LINGO1: variants seen among roughly 807,000 people sequenced by gnomAD.
LINGO1 encodes the protein leucine-rich repeat and immunoglobulin-like domain-containing nogo receptor-interacting protein 1.
LINGO1 carries 11 observed loss-of-function variants against 37.3 expected under a neutral mutation model. The ratio of observed to expected loss-of-function variants is 0.29; its 90% CI spans 0.19 to 0.49. The LOEUF (loss-of-function observed/expected upper bound fraction) is 0.49. Among genes scored for constraint, LINGO1 ranks in the 20% least tolerant of loss-of-function variants. LINGO1 has a pLI of 0.99. For missense variants in LINGO1, 585 were observed against 878.2 expected (o/e 0.67, Z 4.22); for synonymous variants, 387 against 403.0 (o/e 0.96, Z 0.48).
intron 2 of LINGO1, chr15:77,720,750 G>A (rs1567546330): frequency 6.6e-6 from 1 of 151,842 alleles, no homozygotes; most frequent in Non-Finnish European, 1.5e-5. Context: ...AGATCTCAGA[G>A]TGGAGACCAG....
intron 1 of LINGO1, among the ~76,000 whole-genome samples, chr15:77,754,064 TG>T (rs2076396474): frequency 6.9e-6 from 1 of 145,744 alleles, no homozygotes; most frequent in Non-Finnish European, 1.5e-5. Context: ...GGCCCAGAGC[TG>T]GGAGAGAGAG....
At chr15:77,673,455 G>A (rs961865896) in intron 3 of LINGO1, among the ~76,000 whole-genome samples, 1 of 151,220 alleles carries the variant, frequency 6.6e-6, no homozygotes, top group Non-Finnish European at 1.5e-5. Context: ...CCTCGTTACC[G>A]AGGCAGTGAC....
intron 1 of LINGO1, among the ~76,000 whole-genome samples, chr15:77,760,638 C>A (rs2076465968): frequency 1.3e-5 from 2 of 152,192 alleles, no homozygotes; most frequent in Admixed American, 6.5e-5. Flanking sequence ...TTTGCCTGGC[C>A]CCTGGGGCAT....
chr15:77,702,707 G>T (rs777631527), intron 2 of LINGO1, among the ~76,000 whole-genome samples: 1 of 152,106 alleles, frequency 6.6e-6, no homozygotes, highest in Non-Finnish European at 1.5e-5. Flanking sequence ...CTGACTACCT[G>T]ACTACCTCCA....
chr15:77,789,590 G>A (rs1431859231), upstream of LINGO1, among the ~76,000 whole-genome samples: 1 of 152,206 alleles, frequency 6.6e-6, no homozygotes, highest in African/African-American at 2.4e-5. Context: ...CTGGGTGACA[G>A]AGTGAGACTC....
At chr15:77,794,115 G>A (rs2076838942) in intron 2 of LINGO1, among the ~76,000 whole-genome samples, 2 of 152,144 alleles carry the variant, frequency 1.3e-5, no homozygotes, top group East Asian at 3.9e-4. Flanking sequence ...CAGTGGGGAG[G>A]CTGCTCACGC....
intron 1 of LINGO1, among the ~76,000 whole-genome samples, chr15:77,796,495 GAAGAT>G (rs1297084757): frequency 2.0e-5 from 3 of 152,252 alleles, no homozygotes; most frequent in Non-Finnish European, 4.4e-5. Flanking sequence ...GGACTGCTGG[GAAGAT>G]AAGAGAGAGA....
chr15:77,786,951 C>G (rs2076777494), exon 1 of LINGO1: 1 of 152,272 alleles, frequency 6.6e-6, no homozygotes, highest in South Asian at 2.1e-4. Flanking sequence ...AAGCACCCAG[C>G]CAGGCCTGGC....
chr15:77,632,118 G>C lies in LINGO1; in HGVS notation c.6+192C>G, dbSNP rs987346590. Among the ~76,000 whole-genome samples, 1 of 152,194 alleles carries C rather than the reference G, an allele frequency of 6.6e-6. No homozygotes were observed. Among genetic ancestry groups the C allele is most frequent in the Non-Finnish European group, 1.5e-5 (1 of 68,026 alleles). ...CGGAATTTGTTGGGGTTGGAGAGAGGGGAGGTGGAAAAGGAAGAATTTTCA... is the reference window on the plus strand; with the variant it reads ...CGGAATTTGTTGGGGTTGGAGAGAGCGGAGGTGGAAAAGGAAGAATTTTCA... On this transcript the variant is annotated intron_variant, in intron 1 of 1. Coordinates refer to ENST00000355300, the MANE Select transcript of LINGO1 (RefSeq NM_032808.7). This position sits in a 1 kb window ranked among gnomAD's most constrained non-coding sequence, Gnocchi z 6.0.
At chr15:77,810,338 ACACACATG>A (rs373363126) in intron 1 of LINGO1, among the ~76,000 whole-genome samples, 1 of 148,546 alleles carries the variant, frequency 6.7e-6, no homozygotes, top group African/African-American at 2.6e-5. Context: ...ATGCACACAC[ACACACATG>A]CACACACACA....
intron 3 of LINGO1, among the ~76,000 whole-genome samples, chr15:77,676,667 T>C (rs1596091792): frequency 6.6e-6 from 1 of 151,832 alleles, no homozygotes. Flanking sequence ...GCAGCGGCGG[T>C]GAAAAGGCAG....
chr15:77,736,973 G>A (rs1028412076), intron 1 of LINGO1, among the ~76,000 whole-genome samples: 10 of 152,170 alleles, frequency 6.6e-5, no homozygotes, highest in African/African-American at 1.9e-4. Context: ...CTGCACTGAG[G>A]CATGCCACGT....
rs143831320 is a variant in LINGO1, at chr15:77,717,268, G to A, written c.-195+17724C>T. Among the ~76,000 whole-genome samples, 138 of 151,024 alleles carry A rather than the reference G, an allele frequency of 9.1e-4. 2 individuals carry two copies. The highest frequency in any genetic ancestry group is 3.1e-3 in the African/African-American group (129 of 41,512). On this transcript the variant is annotated intron_variant, in intron 2 of 3. Transcript: ENST00000561686. ...AATGTTCCACTCGAAAGCATTAAGC[G>A]TCTTCAAAGAGCAGAGGCATTAAAA...
chr15:77,743,719 G>A (rs180985782), intron 1 of LINGO1, among the ~76,000 whole-genome samples: 1 of 152,220 alleles, frequency 6.6e-6, no homozygotes, highest in East Asian at 1.9e-4. Context: ...GAGAACCCAG[G>A]GGCGCAGGAG....
At chr15:77,742,846 T>A (rs2076277991) in intron 1 of LINGO1, among the ~76,000 whole-genome samples, 1 of 152,050 alleles carries the variant, frequency 6.6e-6, no homozygotes, top group Non-Finnish European at 1.5e-5. Context: ...AGGAAACAGC[T>A]GGAAGGGGAG....
At chr15:77,685,716 G>C (rs749323796) in intron 2 of LINGO1, among the ~76,000 whole-genome samples, 4 of 149,928 alleles carry the variant, frequency 2.7e-5, no homozygotes, top group Non-Finnish European at 4.4e-5. Flanking sequence ...CGCCAGGAAT[G>C]GTGGTGCATC....
chr15:77,703,355 G>A (rs182298516), intron 2 of LINGO1, among the ~76,000 whole-genome samples: 3 of 152,284 alleles, frequency 2.0e-5, no homozygotes, highest in East Asian at 3.9e-4. Flanking sequence ...TGATTGTTTC[G>A]TGTCCTCGTG....
At chr15:77,776,512 G>GGCAGGAAAGCAGGAAGGCAGGAAA (rs1567577676) in intron 1 of LINGO1, among the ~76,000 whole-genome samples, 1 of 82,292 alleles carries the variant, frequency 1.2e-5, no homozygotes, top group African/African-American at 5.5e-5. Context: ...AAGGCAGGAA[G>GGCAGGAAAGCAGGAAGGCAGGAAA]GCAGGAAGGG....
At chr15:77,710,145 G>A (rs1473831862) in intron 2 of LINGO1, among the ~76,000 whole-genome samples, 2 of 152,238 alleles carry the variant, frequency 1.3e-5, no homozygotes, top group Non-Finnish European at 2.9e-5. Context: ...CAGGGGGGCA[G>A]GGGCTGCCGT....
Sources: allele counts gnomAD v4.1 joint callset (sites outside exome capture counted in the v4.1 genomes callset), GRCh38; gene constraint gnomAD v4.1.1; non-coding constraint Gnocchi (gnomAD v3.1); transcripts MANE v1.5; gene names NCBI Gene and HGNC (gene_info 2026-07-23, HGNC 2026-07-21).